TSPAN9: variants seen among roughly 807,000 people sequenced by gnomAD.
TSPAN9 encodes tetraspanin-9.
A neutral mutation model predicts 31.0 loss-of-function variants in TSPAN9; 16 were observed. The observed-to-expected ratio is 0.52, with a 90% CI of 0.35 to 0.78. The LOEUF is 0.78. TSPAN9 is among the 30% of genes least tolerant of loss of function. TSPAN9 has a pLI of 0.01. For missense variants in TSPAN9, 272 were observed against 312.5 expected (o/e 0.87, Z 0.98); for synonymous variants, 145 against 121.6 (o/e 1.19, Z -1.27).
intron 2 of TSPAN9, among the ~76,000 whole-genome samples, chr12:3,186,544 GTT>G (rs746884508): frequency 7.1e-3 from 260 of 36,762 alleles, no homozygotes; most frequent in South Asian, 0.041. Context: ...CCAGGAGTTT[GTT>G]TGTGTGTGTG....
At chr12:3,085,272 G>A (rs573936845) in intron 2 of TSPAN9, among the ~76,000 whole-genome samples, 8 of 151,944 alleles carry the variant, frequency 5.3e-5, no homozygotes, top group East Asian at 1.9e-4. Context: ...CCTGCTGTGC[G>A]GCATGTCCCC....
Position 3,077,434 on chromosome 12 carries a change from C to T in TSPAN9, c.-104C>T, listed in dbSNP as rs1365579556. On this transcript the variant is annotated 5_prime_UTR_variant, in exon 1 of 9. Coordinates refer to ENST00000011898, the MANE Select transcript of TSPAN9 (RefSeq NM_006675.5). ...GCCGGAGCGCGAGCAGAGCGGAGAC[C>T]CCCAGGTCCTGCGGGCGCGGTGAGT... 6.6e-6 allele frequency: 1 copy of T among 151,558 alleles called. No homozygotes were observed. The highest frequency in any genetic ancestry group is 1.5e-5 in the Non-Finnish European group (1 of 68,080). The allele number at this position is 151,558 out of a possible 1,614,324, so 9.4% of individuals were successfully genotyped here. A position where few individuals can be genotyped will look rare whatever the true frequency, so the allele number is the denominator to read the frequency against.
intron 3 of TSPAN9, among the ~76,000 whole-genome samples, chr12:3,209,913 T>A (rs1398483586): frequency 2.2e-5 from 3 of 136,902 alleles, no homozygotes; most frequent in Non-Finnish European, 4.6e-5. Flanking sequence ...GAGCCAAGAT[T>A]GTGCCACTGC....
intron 2 of TSPAN9, among the ~76,000 whole-genome samples, chr12:3,122,065 G>A (rs1224277440): frequency 1.3e-5 from 2 of 152,050 alleles, no homozygotes; most frequent in Admixed American, 6.5e-5. Flanking sequence ...GGCCGGGCGC[G>A]TGGCTCACGC....
chr12:3,261,456 C>G (rs980233982), intron 3 of TSPAN9, among the ~76,000 whole-genome samples: 1 of 152,170 alleles, frequency 6.6e-6, no homozygotes, highest in Non-Finnish European at 1.5e-5. Flanking sequence ...GGCGCTGGCT[C>G]GAGCCTACGC....
rs552210506 is a variant in TSPAN9, at chr12:3,170,749, G to T, written c.-17-30428G>T. On this transcript the variant is annotated intron_variant, in intron 2 of 8. Transcript: ENST00000011898. The surrounding 1 kb of genome is among the most constrained non-coding windows in gnomAD (Gnocchi z 4.4). Reference sequence around the variant, plus strand: ...TGGGGAGGATGGCAGGAGGTAGAGCGGAAGGACCTGCACAGCTGTGGCACC... The same window carrying T: ...TGGGGAGGATGGCAGGAGGTAGAGCTGAAGGACCTGCACAGCTGTGGCACC... Among the ~76,000 whole-genome samples, 1 of 152,114 alleles carries T rather than the reference G, an allele frequency of 6.6e-6. No homozygotes were observed. Among genetic ancestry groups the T allele is most frequent in the African/African-American group, 2.4e-5 (1 of 41,424 alleles).
chr12:3,095,632 AC>A (rs750007843), intron 2 of TSPAN9, among the ~76,000 whole-genome samples: 4 of 93,848 alleles, frequency 4.3e-5, no homozygotes, highest in East Asian at 4.0e-4. Flanking sequence ...CGGAGGGCTG[AC>A]CCCCCCCACC....
At chr12:3,222,103 G>A (rs1487783357) in intron 3 of TSPAN9, among the ~76,000 whole-genome samples, 1 of 152,174 alleles carries the variant, frequency 6.6e-6, no homozygotes, top group Non-Finnish European at 1.5e-5. Flanking sequence ...ACCCACACAG[G>A]GTTCTCTAAC....
intron 3 of TSPAN9, among the ~76,000 whole-genome samples, chr12:3,270,970 C>T (rs745488092): frequency 1.3e-5 from 2 of 152,244 alleles, no homozygotes; most frequent in East Asian, 1.9e-4. Flanking sequence ...CCCCCAAACA[C>T]GATGCCCCTT....
At position 3,178,205 on chromosome 12, in the gene TSPAN9, A is replaced by G. The variant is rs552841298; in HGVS notation, c.-17-22972A>G. ...CACTCCCCATACAGTGCTTAGCATAACAGCTGTGCTTTGTTTTTTCCCTCC... is the reference window on the plus strand; with the variant it reads ...CACTCCCCATACAGTGCTTAGCATAGCAGCTGTGCTTTGTTTTTTCCCTCC... On this transcript the variant is annotated intron_variant, in intron 2 of 8. Transcript: ENST00000011898. Among the ~76,000 whole-genome samples, 325 of 152,074 alleles carry G rather than the reference A, an allele frequency of 2.1e-3. 2 individuals carry two copies. Among genetic ancestry groups the G allele is most frequent in the Non-Finnish European group, 3.9e-3 (263 of 67,992 alleles).
At chr12:3,085,879 A>G (rs2098300197) in intron 2 of TSPAN9, among the ~76,000 whole-genome samples, 1 of 152,034 alleles carries the variant, frequency 6.6e-6, no homozygotes, top group South Asian at 2.1e-4. Context: ...TAAACTGGAG[A>G]TGCTGACTTC....
At chr12:3,108,561 T>C (rs1010761867) in intron 2 of TSPAN9, among the ~76,000 whole-genome samples, 2 of 152,216 alleles carry the variant, frequency 1.3e-5, no homozygotes, top group Admixed American at 1.3e-4. Flanking sequence ...TTTCATCCAC[T>C]GTGGATCCTT....
At chr12:3,277,563 G>T (rs1862810786) in intron 3 of TSPAN9, among the ~76,000 whole-genome samples, 1 of 152,238 alleles carries the variant, frequency 6.6e-6, no homozygotes, top group African/African-American at 2.4e-5. Context: ...TGATTGATTG[G>T]CTCCTCAGAC....
chr12:3,275,468 T>G (rs970887945), intron 3 of TSPAN9, among the ~76,000 whole-genome samples: 1 of 152,184 alleles, frequency 6.6e-6, no homozygotes. Context: ...ATCTTCAGCA[T>G]GAAGATCATA....
chr12:3,200,400 C>A (rs1041326618), intron 2 of TSPAN9: 1 of 152,330 alleles, frequency 6.6e-6, no homozygotes, highest in East Asian at 1.9e-4. Context: ...CGGCACTGTC[C>A]GCCGCGCGCC....
At chr12:3,097,180 T>C (rs1202009479) in intron 2 of TSPAN9, among the ~76,000 whole-genome samples, 1 of 152,152 alleles carries the variant, frequency 6.6e-6, no homozygotes, top group East Asian at 1.9e-4. Context: ...GCTTTCTGGA[T>C]TGTGACCCAG....
intron 3 of TSPAN9, among the ~76,000 whole-genome samples, chr12:3,239,227 G>C (rs1204719181): frequency 1.3e-5 from 2 of 152,198 alleles, no homozygotes; most frequent in Non-Finnish European, 2.9e-5. Context: ...GGTGGGTAGT[G>C]AGTGGTGGGG....
intron 2 of TSPAN9, among the ~76,000 whole-genome samples, chr12:3,135,145 C>G (rs1004499): frequency 6.6e-6 from 1 of 151,996 alleles, no homozygotes; most frequent in Non-Finnish European, 1.5e-5. Flanking sequence ...TGCAGTGTCA[C>G]GATCGGAGCT....
In TSPAN9 at chr12:3,147,951, G is replaced by T. The variant is rs1053796297; in HGVS notation, c.-17-53226G>T. 6.6e-5 allele frequency among the ~76,000 whole-genome samples: 10 copies of T among 152,140 alleles called. No homozygotes were observed. The highest frequency in any genetic ancestry group is 5.8e-4 in the East Asian group (3 of 5,174). Reference sequence around the variant, plus strand: ...CTTGGCAGATAAAGGATGGGCTCCTGCAAGTCTAATCTGGGTACATTTGGA... The same window carrying T: ...CTTGGCAGATAAAGGATGGGCTCCTTCAAGTCTAATCTGGGTACATTTGGA... On this transcript the variant is annotated intron_variant, in intron 2 of 8. Transcript: ENST00000011898. The surrounding 1 kb of genome is among the most constrained non-coding windows in gnomAD (Gnocchi z 4.3).
Sources: allele counts gnomAD v4.1 joint callset (sites outside exome capture counted in the v4.1 genomes callset), GRCh38; gene constraint gnomAD v4.1.1; non-coding constraint Gnocchi (gnomAD v3.1); transcripts MANE v1.5; gene names NCBI Gene and HGNC (gene_info 2026-07-23, HGNC 2026-07-21).